ERBIN: variants seen among roughly 807,000 people sequenced by gnomAD.
ERBIN encodes erbb2 interacting protein, also known as densin-180-like protein.
Under a neutral mutation model 158.4 loss-of-function variants are expected in ERBIN, and 60 were observed. That is an observed-to-expected ratio of 0.38 (90% CI 0.31 to 0.47). The LOEUF (loss-of-function observed/expected upper bound fraction) is 0.47, where lower values mean the gene tolerates loss of function less well. Among genes scored for constraint, ERBIN ranks in the 20% least tolerant of loss-of-function variants. The pLI is 0.99. For synonymous variants in ERBIN, 594 were observed against 557.2 expected (o/e 1.07, Z -0.93); for missense variants, 1,610 against 1,648.0 (o/e 0.98, Z 0.40).
chr5:66,071,437 A>G (rs1259773063), intron 21 of ERBIN, among the ~76,000 whole-genome samples: 4 of 152,216 alleles, frequency 2.6e-5, no homozygotes, highest in South Asian at 2.1e-4. Flanking sequence ...CCCTAAAGCT[A>G]TCAGCTTGGT....
intron 1 of ERBIN, among the ~76,000 whole-genome samples, chr5:65,929,741 A>T (rs111656308): frequency 0.075 from 11,114 of 147,566 alleles, 594 homozygotes; most frequent in Middle Eastern, 0.11. Context: ...CCCGGGTTCC[A>T]GCGATTCTCC....
chr5:65,944,909 C>G (rs1349099807), intron 1 of ERBIN, among the ~76,000 whole-genome samples: 1 of 151,972 alleles, frequency 6.6e-6, no homozygotes, highest in Non-Finnish European at 1.5e-5. Flanking sequence ...AATATTTTCT[C>G]CCATTCTCTG....
chr5:66,042,957 A>C, intron 15 of ERBIN, 120 bp from the exon 16 acceptor site: 1 of 715,434 alleles, frequency 1.4e-6, no homozygotes, highest in South Asian at 2.2e-5. Flanking sequence ...TGCATTGACC[A>C]TTCTTAACTA....
chr5:66,028,401 A>C, intron 14 of ERBIN, 58 bp downstream of exon 14: 1 of 1,344,960 alleles, frequency 7.4e-7, no homozygotes, highest in South Asian at 1.2e-5. Flanking sequence ...ATAGTTTTGC[A>C]CTCCGATTTA....
intron 15 of ERBIN, among the ~76,000 whole-genome samples, chr5:66,041,929 G>A (rs987440185): frequency 1.3e-5 from 2 of 151,662 alleles, no homozygotes; most frequent in African/African-American, 2.4e-5. Flanking sequence ...GCAATTATAA[G>A]GGAAAAAAAA....
chr5:66,027,092 T>C (rs1756348959), intron 13 of ERBIN, among the ~76,000 whole-genome samples: 1 of 151,962 alleles, frequency 6.6e-6, no homozygotes. Context: ...TTGTAGAGTG[T>C]TTTCACTTTT....
chr5:66,002,290 C>A (rs1204548943), intron 4 of ERBIN, among the ~76,000 whole-genome samples: 3 of 152,130 alleles, frequency 2.0e-5, no homozygotes, highest in African/African-American at 7.2e-5. Context: ...TGTGCATGTA[C>A]ACTTTTTAAA....
At chr5:65,949,232 C>T (rs1244846668) in intron 1 of ERBIN, among the ~76,000 whole-genome samples, 1 of 151,560 alleles carries the variant, frequency 6.6e-6, no homozygotes, top group Non-Finnish European at 1.5e-5. Flanking sequence ...TATAGATCTA[C>T]TTCTGGCACT....
chr5:65,999,421 A>G (rs1213783416), intron 4 of ERBIN, among the ~76,000 whole-genome samples: 2 of 152,206 alleles, frequency 1.3e-5, no homozygotes, highest in Non-Finnish European at 2.9e-5. Flanking sequence ...TTTAAGTTGG[A>G]GGCATCATGT....
At chr5:66,048,885 A>G (rs1758741028) in intron 19 of ERBIN, 104 bp downstream of exon 19, 1 of 656,414 alleles carries the variant, frequency 1.5e-6, no homozygotes, top group Non-Finnish European at 2.4e-6. Context: ...GATACATTTT[A>G]GAAACAAATT....
chr5:65,988,451 A>G (rs251308), intron 1 of ERBIN, among the ~76,000 whole-genome samples, 184 bp from the exon 2 acceptor site: 123,911 of 151,998 alleles, frequency 0.82, 50,990 homozygotes, highest in Non-Finnish European at 0.86. Flanking sequence ...ACTTGTGTGT[A>G]CGTTTTTAAG....
chr5:66,007,643 T>C (rs1209726475), intron 4 of ERBIN, among the ~76,000 whole-genome samples: 1 of 152,048 alleles, frequency 6.6e-6, no homozygotes, highest in African/African-American at 2.4e-5. Context: ...ACACTACTAA[T>C]GGGGGAGAAG....
chr5:65,952,746 T>C (rs935353424), intron 1 of ERBIN, among the ~76,000 whole-genome samples: 10 of 152,220 alleles, frequency 6.6e-5, no homozygotes, highest in Non-Finnish European at 1.3e-4. Flanking sequence ...TTGAAACTCA[T>C]AGAACTTGTG....
intron 1 of ERBIN, among the ~76,000 whole-genome samples, chr5:65,961,022 C>T (rs902169223): frequency 6.6e-6 from 1 of 152,128 alleles, no homozygotes; most frequent in African/African-American, 2.4e-5. Flanking sequence ...CCCTAAACCT[C>T]CCTATCCATA....
chr5:66,052,840 A>G (rs1759181987), intron 20 of ERBIN, among the ~76,000 whole-genome samples: 1 of 152,180 alleles, frequency 6.6e-6, no homozygotes, highest in Admixed American at 6.5e-5. Flanking sequence ...CCTTTTACAT[A>G]TTTGATGTTA....
intron 1 of ERBIN, among the ~76,000 whole-genome samples, chr5:65,934,791 A>C (rs1338296014): frequency 6.6e-6 from 1 of 152,100 alleles, no homozygotes; most frequent in East Asian, 1.9e-4. Flanking sequence ...TTTTAAATTC[A>C]CTTATTTACA....
chr5:66,053,165 A>C (rs1382130698), intron 20 of ERBIN, among the ~76,000 whole-genome samples: 2 of 152,196 alleles, frequency 1.3e-5, no homozygotes, highest in African/African-American at 2.4e-5. Context: ...TGTATTGATG[A>C]AAATTAATCT....
At position 66,081,096 on chromosome 5, in the gene ERBIN, TAGTA is replaced by T. The variant is rs1211942107; in HGVS notation, c.*2571_*2574del. The T allele has an allele frequency of 4.6e-5, 7 of 151,970 alleles. No homozygotes were observed. Among genetic ancestry groups the T allele is most frequent in the African/African-American group, 4.8e-5 (2 of 41,446 alleles). The allele number at this position is 151,970 out of a possible 1,614,324, so 9.4% of individuals were successfully genotyped here. On this transcript the variant is annotated 3_prime_UTR_variant, in exon 26 of 26. Coordinates refer to ENST00000284037, the MANE Select transcript of ERBIN (RefSeq NM_001253697.2). Reference sequence around the variant, plus strand: ...TAAGGCCTATACCCATAACTAACTTTAGTAAGTATTATATAGCAATTCATCAAAA... The same window carrying T: ...TAAGGCCTATACCCATAACTAACTTTAGTATTATATAGCAATTCATCAAAA...
chr5:66,075,257 T>C (rs1186186957), intron 23 of ERBIN, 27 bp downstream of exon 23: 2 of 1,560,504 alleles, frequency 1.3e-6, no homozygotes, highest in Non-Finnish European at 1.8e-6. Context: ...CTATTTGAAA[T>C]ATGGGACTAA....
Sources: allele counts gnomAD v4.1 joint callset (sites outside exome capture counted in the v4.1 genomes callset), GRCh38; gene constraint gnomAD v4.1.1; transcripts MANE v1.5; gene names NCBI Gene and HGNC (gene_info 2026-07-23, HGNC 2026-07-21).